GRAMD4: variants seen among roughly 807,000 people sequenced by gnomAD.
GRAMD4 encodes GRAM domain-containing protein 4.
GRAMD4 carries 25 observed loss-of-function variants against 83.9 expected under a neutral mutation model. The ratio of observed to expected loss-of-function variants is 0.30; its 90% CI spans 0.22 to 0.42. The LOEUF (loss-of-function observed/expected upper bound fraction) is 0.42, where lower values mean the gene tolerates loss of function less well. Among genes scored for constraint, GRAMD4 ranks in the 10% least tolerant of loss-of-function variants. The pLI is 1.00. For missense variants in GRAMD4, 593 were observed against 788.7 expected (o/e 0.75, Z 2.97); for synonymous variants, 336 against 320.9 (o/e 1.05, Z -0.50).
At chr22:46,616,038 GTAGGTTCCCC>G (rs2081484646), upstream of GRAMD4, among the ~76,000 whole-genome samples, 2 of 3,340 alleles carry the variant, frequency 6.0e-4, no homozygotes, top group Non-Finnish European at 1.4e-3. Context: ...TCCCCCATGT[GTAGGTTCCCC>G]TGTGCGTGTC....
intron 1 of GRAMD4, among the ~76,000 whole-genome samples, chr22:46,588,963 T>C: frequency 6.6e-6 from 1 of 152,192 alleles, no homozygotes; most frequent in African/African-American, 2.4e-5. Flanking sequence ...CTCTTAAACA[T>C]TTGAGATGTC....
intron 3 of GRAMD4, among the ~76,000 whole-genome samples, chr22:46,647,553 G>C (rs191506965): frequency 3.0e-4 from 46 of 152,362 alleles, no homozygotes; most frequent in African/African-American, 1.0e-3. Context: ...AGTCAGAGAG[G>C]GAGCCTGAAC....
intron 3 of GRAMD4, among the ~76,000 whole-genome samples, chr22:46,645,097 T>A (rs1319962825): frequency 6.6e-6 from 1 of 151,802 alleles, no homozygotes; most frequent in African/African-American, 2.4e-5. Flanking sequence ...TAGAGGATGT[T>A]AGTAGTTACT....
rs1569254347 is a variant in GRAMD4, at chr22:46,603,513, C to CTTTTTTTTTTTTTTT, written c.-49-23237_-49-23236insTTTTTTTTTTTTTTT. 2.8e-5 allele frequency among the ~76,000 whole-genome samples: 3 copies of CTTTTTTTTTTTTTTT among 105,978 alleles called. 1 individual carries two copies. The highest frequency in any genetic ancestry group is 2.2e-4 in the Admixed American group (2 of 8,994). The allele number at this position is 105,978 out of a possible 152,430, so 69.5% of individuals were successfully genotyped here. On this transcript the variant is annotated intron_variant, in intron 1 of 1. Coordinates refer to the GRAMD4 transcript ENST00000431155. Reference sequence around the variant, plus strand: ...CATGAGCCACCGCGCCCGGCCTCTTCTCTTTTTTTTTTTTTTTTTTTGAGA... The same window carrying CTTTTTTTTTTTTTTT: ...CATGAGCCACCGCGCCCGGCCTCTTCTTTTTTTTTTTTTTTTCTTTTTTTTTTTTTTTTTTTGAGA...
At chr22:46,676,448 A>AG in intron 17 of GRAMD4, 152 bp from the exon 18 acceptor site, 1 of 645,094 alleles carries the variant, frequency 1.6e-6, no homozygotes. Flanking sequence ...AGGTGTCCAC[A>AG]GGCCCTTACC....
rs983632255 is a variant in GRAMD4, at chr22:46,673,013, A to G, written c.1239+16A>G. ...CTCACGCAGGGTGAGCCCGGCCCCCAGCTGCGGGGATGGGGGGATGGGGGG... is the reference window on the plus strand; with the variant it reads ...CTCACGCAGGGTGAGCCCGGCCCCCGGCTGCGGGGATGGGGGGATGGGGGG... On this transcript the variant is annotated intron_variant, in intron 14 of 18. Transcript: ENST00000406902. 12 of 1,558,576 alleles carry G rather than the reference A, an allele frequency of 7.7e-6. No individual in the cohort carries two copies. In the East Asian group the frequency reaches 1.2e-4, roughly 15 times the overall value.
At chr22:46,671,989 G>A (rs891853694) in intron 13 of GRAMD4, among the ~76,000 whole-genome samples, 1 of 152,244 alleles carries the variant, frequency 6.6e-6, no homozygotes, top group Non-Finnish European at 1.5e-5. Flanking sequence ...TCTGACCCTG[G>A]GGCCCCTGCA....
intron 3 of GRAMD4, among the ~76,000 whole-genome samples, chr22:46,651,627 AG>A (rs1351825800): frequency 6.6e-6 from 1 of 152,198 alleles, no homozygotes; most frequent in African/African-American, 2.4e-5. Context: ...AGACAGGTGC[AG>A]GGGGTCTTGG....
chr22:46,623,920 T>A (rs189101219), intron 1 of GRAMD4, among the ~76,000 whole-genome samples: 103 of 152,026 alleles, frequency 6.8e-4, no homozygotes, highest in African/African-American at 2.4e-3. Flanking sequence ...TAGCTGGGAT[T>A]GTAGGCGCAC....
intron 3 of GRAMD4, among the ~76,000 whole-genome samples, chr22:46,657,781 A>G (rs1353821501): frequency 6.6e-6 from 1 of 152,170 alleles, no homozygotes; most frequent in Admixed American, 6.5e-5. Flanking sequence ...CTCACCCAGC[A>G]CATGGAGGCG....
At chr22:46,577,470 C>T (rs998224048) in intron 1 of GRAMD4, among the ~76,000 whole-genome samples, 25 of 149,752 alleles carry the variant, frequency 1.7e-4, no homozygotes, top group South Asian at 8.3e-4. Flanking sequence ...GCGCCCCGCA[C>T]ACGCCCCCGG....
chr22:46,583,236 A>T (rs1079838), intron 1 of GRAMD4, among the ~76,000 whole-genome samples: 52,592 of 151,928 alleles, frequency 0.35, 9,393 homozygotes, highest in African/African-American at 0.42. Context: ...CTCTATTTTT[A>T]AAAAACTGTT....
intron 10 of GRAMD4, 45 bp from the exon 11 acceptor site, chr22:46,668,051 A>G (rs2082437039): frequency 2.9e-6 from 4 of 1,380,890 alleles, no homozygotes; most frequent in Non-Finnish European, 4.1e-6. Context: ...GTTTTTCTGA[A>G]CTGTTAAATT....
chr22:46,639,592 C>T (rs995208261), intron 3 of GRAMD4, among the ~76,000 whole-genome samples: 4 of 150,418 alleles, frequency 2.7e-5, no homozygotes, highest in African/African-American at 9.8e-5. Flanking sequence ...GTGGTTAACC[C>T]TGTGTGTGCG....
At chr22:46,588,810 G>T (rs2081177499) in intron 1 of GRAMD4, among the ~76,000 whole-genome samples, 1 of 132,816 alleles carries the variant, frequency 7.5e-6, no homozygotes, top group Non-Finnish European at 1.6e-5. Context: ...GGCAGAGCCT[G>T]GATGTGGCCC....
chr22:46,673,021 G>T (rs1269741135), intron 14 of GRAMD4, 24 bp downstream of exon 14: 2 of 1,514,400 alleles, frequency 1.3e-6, no homozygotes, highest in Admixed American at 2.1e-5. Flanking sequence ...CCAGCTGCGG[G>T]GATGGGGGGA....
Position 46,678,423 on chromosome 22 carries a change from G to A in GRAMD4, c.*1172G>A, listed in dbSNP as rs1234838937. On this transcript the variant is annotated 3_prime_UTR_variant, in exon 19 of 19. Coordinates refer to ENST00000406902, the MANE Select transcript of GRAMD4 (RefSeq NM_015124.5). ...CCAGCCCCCGCCCTGCCCCAGGGAAGCCTGGGCTTCCCGGGAACAAGGTGG... is the reference window on the plus strand; with the variant it reads ...CCAGCCCCCGCCCTGCCCCAGGGAAACCTGGGCTTCCCGGGAACAAGGTGG... 2 of 984,992 alleles carry A rather than the reference G, an allele frequency of 2.0e-6. No homozygotes were observed. The highest frequency in any genetic ancestry group is 3.5e-5 in the African/African-American group (2 of 57,236). The allele number at this position is 984,992 out of a possible 1,614,324, so 61.0% of individuals were successfully genotyped here.
At position 46,654,044 on chromosome 22, in the gene GRAMD4, T is replaced by G. The variant is rs150752874; in HGVS notation, c.284-4143T>G. 9.6e-3 allele frequency among the ~76,000 whole-genome samples: 1,459 copies of G among 152,336 alleles called. 16 individuals carry two copies. The highest frequency in any genetic ancestry group is 0.034 in the Middle Eastern group (10 of 294). On this transcript the variant is annotated intron_variant, in intron 3 of 18. Coordinates refer to ENST00000406902, the MANE Select transcript of GRAMD4 (RefSeq NM_015124.5). ...GCTCCCTTTGGGGAGAAACACCGGC[T>G]GACGGGGCATTTGGTTCCTTCCTTC...
In GRAMD4 at chr22:46,673,689, G is replaced by A. The variant is rs1329075892; in HGVS notation, c.1259G>A (p.Arg420Gln). ...TGGCAGCTGCAGACGACCTCGTCAC[G>A]GAGCTACGTACCCAGCGCACCGGCC... Reference protein sequence around the residue: ...VSRRLQTTSSRSYVPSAPAGL... With the variant: ...VSRRLQTTSSQSYVPSAPAGL... Residue 420 changes from arginine to glutamine, a missense_variant, in exon 15 of 19, where the codon CGG becomes CAG. Transcript: ENST00000406902. 2 of 1,612,182 alleles carry A rather than the reference G, an allele frequency of 1.2e-6. No individual in the cohort carries two copies. The highest frequency in any genetic ancestry group is 8.5e-7 in the Non-Finnish European group (1 of 1,179,366).
Sources: allele counts gnomAD v4.1 joint callset (sites outside exome capture counted in the v4.1 genomes callset), GRCh38; gene constraint gnomAD v4.1.1; transcripts MANE v1.5; gene names NCBI Gene and HGNC (gene_info 2026-07-23, HGNC 2026-07-21).